SNTA1: variants seen among roughly 807,000 people sequenced by gnomAD.
SNTA1 encodes alpha-1-syntrophin.
A neutral mutation model predicts 47.1 loss-of-function variants in SNTA1; 31 were observed. The observed-to-expected ratio is 0.66, with a 90% CI of 0.49 to 0.89. The LOEUF is 0.89. Among genes scored for constraint, SNTA1 ranks in the 40% least tolerant of loss-of-function variants. SNTA1 has a pLI of 0.00. For synonymous variants in SNTA1, 300 were observed against 313.6 expected (o/e 0.96, Z 0.46); for missense variants, 575 against 693.0 (o/e 0.83, Z 1.91).
Position 33,410,314 on chromosome 20 carries a change from G to T in SNTA1, c.1058C>A (p.Pro353His). The change falls in exon 6 of 8, where the codon CCC (proline) becomes CAC (histidine). Residue 353 changes from proline (P) to histidine (H), a missense_variant. Pro to His is a moderately conservative substitution (Grantham distance 77, BLOSUM62 -2). Transcript: ENST00000217381. ...LIATRLVHSG[P>H]SKGSVPYDAE... is the part of the protein sequence containing the mutation. ...ATCGTAGGGCACTGAGCCCTTGGAG[G>T]GGCCTGAGTGCACCAGTCTGGGGGT... 6.2e-7 allele frequency: 1 copy of T among 1,606,424 alleles called. No homozygotes were observed.
At chr20:33,426,599 T>A in intron 2 of SNTA1, among the ~76,000 whole-genome samples, 1 of 148,196 alleles carries the variant, frequency 6.7e-6, no homozygotes, top group East Asian at 2.0e-4. Context: ...TCGTCTCTCC[T>A]AAAAATACAA....
At chr20:33,423,639 GGAATA>G (rs768686011) in intron 2 of SNTA1, among the ~76,000 whole-genome samples, 6 of 152,192 alleles carry the variant, frequency 3.9e-5, no homozygotes, top group African/African-American at 7.2e-5. Context: ...CAAAGAGCCA[GGAATA>G]GATTCCACTG....
chr20:33,428,458 T>G (rs1990216687), intron 2 of SNTA1, among the ~76,000 whole-genome samples: 2 of 151,992 alleles, frequency 1.3e-5, no homozygotes, highest in Admixed American at 1.3e-4. Context: ...AGAATGAGAC[T>G]TACATGTTCT....
In SNTA1 at chr20:33,415,051, A is replaced by G. The variant is rs531957592; in HGVS notation, c.702-2269T>C. On this transcript the variant is annotated intron_variant, in intron 3 of 7. Transcript: ENST00000217381. ...TGGGATACTGCACTGACAGTGGGCCATATGGAACCCCAGTTATATTGAGGT... is the reference window on the plus strand; with the variant it reads ...TGGGATACTGCACTGACAGTGGGCCGTATGGAACCCCAGTTATATTGAGGT... Among the ~76,000 whole-genome samples, 125 of 152,322 alleles carry G rather than the reference A, an allele frequency of 8.2e-4. 1 individual carries two copies. The highest frequency in any genetic ancestry group is 2.8e-3 in the African/African-American group (118 of 41,558).
chr20:33,429,120 A>G (rs1324066453), intron 2 of SNTA1, among the ~76,000 whole-genome samples: 1 of 151,796 alleles, frequency 6.6e-6, no homozygotes, highest in African/African-American at 2.4e-5. Context: ...CCTTAGGCAG[A>G]TCACTTGAGG....
chr20:33,425,040 C>T (rs910072235), intron 2 of SNTA1, among the ~76,000 whole-genome samples: 1 of 151,598 alleles, frequency 6.6e-6, no homozygotes, highest in Non-Finnish European at 1.5e-5. Flanking sequence ...CGCTTGAACC[C>T]AGGAAGCAGA....
At chr20:33,441,608 T>C (rs1200455106) in intron 1 of SNTA1, among the ~76,000 whole-genome samples, 3 of 152,116 alleles carry the variant, frequency 2.0e-5, no homozygotes, top group Non-Finnish European at 4.4e-5. Flanking sequence ...TGATCACTCA[T>C]GGCTGCCTCA....
Position 33,417,863 on chromosome 20 carries a change from C to A in SNTA1, c.557G>T (p.Gly186Val). Residue 186 changes from glycine (G) to valine (V), a missense_variant, in exon 3 of 8, where the codon GGC becomes GTC. By Grantham distance (109) the Gly-to-Val change is moderately radical (BLOSUM62 -3). Transcript: ENST00000217381. ...GGGTGAGGCAGGAGGTGAGTCCCAGCCGACCGAGGTCCCACCAGTAGAGTT... is the reference window on the plus strand; with the variant it reads ...GGGTGAGGCAGGAGGTGAGTCCCAGACGACCGAGGTCCCACCAGTAGAGTT... Reference protein sequence around the residue: ...FKNSTGGTSVGWDSPPASPLQ... With the variant: ...FKNSTGGTSVVWDSPPASPLQ... 1 of 1,614,086 alleles carries A rather than the reference C, an allele frequency of 6.2e-7. No individual in the cohort carries two copies. Among genetic ancestry groups the A allele is most frequent in the Non-Finnish European group, 8.5e-7 (1 of 1,180,010 alleles).
chr20:33,441,088 G>T (rs1450935407), intron 1 of SNTA1, among the ~76,000 whole-genome samples: 2 of 152,210 alleles, frequency 1.3e-5, no homozygotes, highest in Non-Finnish European at 2.9e-5. Context: ...ATAAGAAATA[G>T]TAATAAGAGT....
In SNTA1 at chr20:33,417,858, C is replaced by T; in HGVS notation, c.562G>A (p.Asp188Asn). The T allele has an allele frequency of 6.2e-7, 1 of 1,614,060 alleles. No individual in the cohort carries two copies. The highest frequency in any genetic ancestry group is 8.5e-7 in the Non-Finnish European group (1 of 1,179,990). The change falls in exon 3 of 8, where the codon GAC (aspartate) becomes AAC (asparagine). Residue 188 changes from aspartate (D) to asparagine (N), a missense_variant. Physicochemically the swap from Asp to Asn is conservative, Grantham distance 23. Transcript: ENST00000217381. Reference sequence around the variant, plus strand: ...TGAAGGGGTGAGGCAGGAGGTGAGTCCCAGCCGACCGAGGTCCCACCAGTA... The same window carrying T: ...TGAAGGGGTGAGGCAGGAGGTGAGTTCCAGCCGACCGAGGTCCCACCAGTA... Reference protein sequence around the residue: ...NSTGGTSVGWDSPPASPLQRQ... With the variant: ...NSTGGTSVGWNSPPASPLQRQ...
intron 2 of SNTA1, among the ~76,000 whole-genome samples, chr20:33,431,678 G>A (rs1210018638): frequency 6.6e-6 from 1 of 152,076 alleles, no homozygotes; most frequent in East Asian, 1.9e-4. Flanking sequence ...GAACCAGGGA[G>A]GTGGAGGTTG....
chr20:33,412,787 A>C lies in SNTA1; in HGVS notation c.702-5T>G. On this transcript the variant is annotated splice_polypyrimidine_tract_variant and splice_region_variant and intron_variant, in intron 3 of 7. Coordinates refer to ENST00000217381, the MANE Select transcript of SNTA1 (RefSeq NM_003098.3). ...GCCGAGCAGATCTCCAGATACCTGC[A>C]GGCACAAATGGGTGGAGACAAGGAC... is the stretch of plus-strand genomic sequence containing the variant. The C allele has an allele frequency of 6.3e-7, 1 of 1,598,900 alleles. No individual in the cohort carries two copies. The highest frequency in any genetic ancestry group is 8.5e-7 in the Non-Finnish European group (1 of 1,172,048).
At chr20:33,419,401 G>A (rs1989964306) in intron 2 of SNTA1, among the ~76,000 whole-genome samples, 1 of 152,208 alleles carries the variant, frequency 6.6e-6, no homozygotes, top group South Asian at 2.1e-4. Context: ...TGCCTCTGAG[G>A]CTCAGATAGG....
chr20:33,417,707 C>A lies in SNTA1; in HGVS notation c.701+12G>T. On this transcript the variant is annotated intron_variant, in intron 3 of 7. Transcript: ENST00000217381. Reference sequence around the variant, plus strand: ...ATCTGTCCATCTGAGTTGCTCCCAACCCCAGCCTTACCTGGGCTCCGGGTC... The same window carrying A: ...ATCTGTCCATCTGAGTTGCTCCCAAACCCAGCCTTACCTGGGCTCCGGGTC... 6.2e-7 allele frequency: 1 copy of A among 1,608,718 alleles called. No homozygotes were observed. The highest frequency in any genetic ancestry group is 8.5e-7 in the Non-Finnish European group (1 of 1,175,138).
At chr20:33,436,434 T>C (rs1187434249) in intron 2 of SNTA1, among the ~76,000 whole-genome samples, 2 of 152,222 alleles carry the variant, frequency 1.3e-5, no homozygotes, top group Non-Finnish European at 2.9e-5. Flanking sequence ...AAGTCTCTTA[T>C]ATCCATATCA....
intron 2 of SNTA1, among the ~76,000 whole-genome samples, chr20:33,427,604 C>A (rs542171942): frequency 7.2e-5 from 11 of 152,258 alleles, no homozygotes; most frequent in African/African-American, 2.6e-4. Flanking sequence ...ACAGGGGTTA[C>A]AACCTATACA....
chr20:33,419,831 T>G (rs1989975935), intron 2 of SNTA1, among the ~76,000 whole-genome samples: 1 of 152,132 alleles, frequency 6.6e-6, no homozygotes, highest in Non-Finnish European at 1.5e-5. Context: ...CAATGAGATG[T>G]GAGGAAAAAA....
chr20:33,414,245 C>CAAAAAAAAAAAAAAAAAAAAAAAAAAAA lies in SNTA1; in HGVS notation c.702-1464_702-1463insTTTTTTTTTTTTTTTTTTTTTTTTTTTT, dbSNP rs56186098. On this transcript the variant is annotated intron_variant, in intron 3 of 7. Transcript: ENST00000217381. The stretch of plus-strand genomic sequence containing the variant: ...AAAAGCGAAACTCCGTCTCAAAAAC[C>CAAAAAAAAAAAAAAAAAAAAAAAAAAAA]AAAAAAAAAAAAAAAAAAAAAAAAA... Among the ~76,000 whole-genome samples the CAAAAAAAAAAAAAAAAAAAAAAAAAAAA allele has an allele frequency of 4.8e-4, 14 of 29,270 alleles. 2 individuals carry two copies. The highest frequency in any genetic ancestry group is 7.2e-4 in the African/African-American group (6 of 8,284). 19.2% of individuals were successfully genotyped at this position (29,270 alleles called of 152,430 possible). A position where few individuals can be genotyped will look rare whatever the true frequency, so the allele number is the denominator to read the frequency against.
chr20:33,425,682 A>AAGAC (rs1990152304), intron 2 of SNTA1, among the ~76,000 whole-genome samples: 1 of 151,928 alleles, frequency 6.6e-6, no homozygotes. Context: ...GAAAGAAAGA[A>AAGAC]AGTGGGCCCT....
Sources: allele counts gnomAD v4.1 joint callset (sites outside exome capture counted in the v4.1 genomes callset), GRCh38; gene constraint gnomAD v4.1.1; transcripts MANE v1.5; gene names NCBI Gene and HGNC (gene_info 2026-07-23, HGNC 2026-07-21).